Variants in GRIK4 observed in about 807,000 individuals in gnomAD.
The protein encoded by GRIK4 is glutamate receptor ionotropic, kainate 4.
A neutral mutation model predicts 104.9 loss-of-function variants in GRIK4; 40 were observed. That is an observed-to-expected ratio of 0.38 (90% CI 0.30 to 0.50). The LOEUF (loss-of-function observed/expected upper bound fraction) is 0.50, where lower values mean the gene tolerates loss of function less well. Ranked by LOEUF, GRIK4 falls within the 20% of genes least tolerant of loss-of-function variation. The pLI, the probability that GRIK4 is intolerant of heterozygous loss-of-function variation, is 0.93. For synonymous variants in GRIK4, 485 were observed against 524.9 expected (o/e 0.92, Z 1.04); for missense variants, 1,047 against 1,308.1 (o/e 0.80, Z 3.08).
rs758796201 is a variant in GRIK4, at chr11:120,986,289, C to CGGGCGGGGCGGGAGGGGAG, written c.*42_*60dup. Reference sequence around the variant, plus strand: ...CGGAGGCCACAGGACGCGCAGAGGCCGGGCGGGGCGGGAGGGGAGGGGCGG... The same window carrying CGGGCGGGGCGGGAGGGGAG: ...CGGAGGCCACAGGACGCGCAGAGGCCGGGCGGGGCGGGAGGGGAGGGGCGGGGCGGGAGGGGAGGGGCGG... On this transcript the variant is annotated 3_prime_UTR_variant, in exon 21 of 21. Transcript: ENST00000527524. The CGGGCGGGGCGGGAGGGGAG allele has an allele frequency of 1.2e-4, 87 of 749,446 alleles. No individual in the cohort carries two copies. The South Asian group carries it at 1.3e-3, about 11-fold the overall frequency. The allele number at this position is 749,446 out of a possible 1,614,324, so 46.4% of individuals were successfully genotyped here.
chr11:120,775,858 C>T (rs778701233), intron 3 of GRIK4, among the ~76,000 whole-genome samples: 9 of 152,254 alleles, frequency 5.9e-5, no homozygotes, highest in South Asian at 2.1e-4. Context: ...CCTTACCACA[C>T]GGTGCTACCT....
At chr11:120,827,116 C>A (rs1433912527) in intron 6 of GRIK4, among the ~76,000 whole-genome samples, 6 of 152,160 alleles carry the variant, frequency 3.9e-5, no homozygotes, top group African/African-American at 1.2e-4. Context: ...ACTACTCCAG[C>A]CAGTAAAGAG....
chr11:120,600,624 C>A (rs928191462), intron 1 of GRIK4, among the ~76,000 whole-genome samples: 1 of 152,192 alleles, frequency 6.6e-6, no homozygotes, highest in African/African-American at 2.4e-5. Context: ...GGACCCTCTC[C>A]CCACCAGGAA....
intron 13 of GRIK4, among the ~76,000 whole-genome samples, chr11:120,938,427 C>T (rs184493125): frequency 1.3e-5 from 2 of 152,320 alleles, no homozygotes; most frequent in Admixed American, 6.5e-5. Flanking sequence ...ATGACCTCAC[C>T]ATATAAGGCT....
chr11:120,809,860 G>T (rs1952792766), intron 4 of GRIK4, among the ~76,000 whole-genome samples: 1 of 152,172 alleles, frequency 6.6e-6, no homozygotes, highest in South Asian at 2.1e-4. Context: ...GACGCCAAGA[G>T]TTCAAGACCA....
At chr11:120,805,251 G>A (rs879284330) in intron 4 of GRIK4, among the ~76,000 whole-genome samples, 1 of 152,142 alleles carries the variant, frequency 6.6e-6, no homozygotes, top group South Asian at 2.1e-4. Flanking sequence ...TCAGACAAGG[G>A]TCCAGATTTC....
Position 120,660,277 on chromosome 11 carries a change from C to T in GRIK4, c.-42C>T, listed in dbSNP as rs745543714. On this transcript the variant is annotated 5_prime_UTR_variant, in exon 3 of 21. Coordinates refer to ENST00000527524, the MANE Select transcript of GRIK4 (RefSeq NM_014619.5). ...AACCCCCTCTCTCGCAGAGTTATGTCATGCCCAGGCCAGCAGGGGGCTCCA... is the reference window on the plus strand; with the variant it reads ...AACCCCCTCTCTCGCAGAGTTATGTTATGCCCAGGCCAGCAGGGGGCTCCA... The T allele has an allele frequency of 6.9e-7, 1 of 1,453,514 alleles. No individual in the cohort carries two copies. The allele number at this position is 1,453,514 out of a possible 1,614,324, so 90.0% of individuals were successfully genotyped here. A position where few individuals can be genotyped will look rare whatever the true frequency, so the allele number is the denominator to read the frequency against.
intron 3 of GRIK4, among the ~76,000 whole-genome samples, chr11:120,716,634 C>T (rs1449938552): frequency 1.3e-5 from 2 of 152,192 alleles, no homozygotes; most frequent in Non-Finnish European, 2.9e-5. Context: ...TCTCTGCCTT[C>T]TAAGTGTTGG....
chr11:120,806,741 G>A (rs899766901), intron 4 of GRIK4, among the ~76,000 whole-genome samples: 5 of 152,320 alleles, frequency 3.3e-5, no homozygotes, highest in Admixed American at 1.3e-4. Flanking sequence ...TCAGTTGAGG[G>A]AAGCAATGGT....
chr11:120,661,405 A>G lies in GRIK4; in HGVS notation c.82+1005A>G, dbSNP rs769988575. On this transcript the variant is annotated intron_variant, in intron 3 of 20. Coordinates refer to ENST00000527524, the MANE Select transcript of GRIK4 (RefSeq NM_014619.5). ...CTCAAATACCAGGCAGGTTACCCCA[A>G]CGGATAACCACATGAGGCCCCTCTT... Among the ~76,000 whole-genome samples the G allele has an allele frequency of 6.0e-5, 9 of 150,320 alleles. No homozygotes were observed. The East Asian group carries it at 1.4e-3, about 24-fold the overall frequency.
intron 3 of GRIK4, among the ~76,000 whole-genome samples, chr11:120,746,620 G>A (rs756138444): frequency 1.3e-5 from 2 of 152,114 alleles, no homozygotes; most frequent in African/African-American, 4.8e-5. Flanking sequence ...AAGCGGGGAG[G>A]AGCTTCTGCT....
chr11:120,918,902 C>A (rs909217294), intron 13 of GRIK4, among the ~76,000 whole-genome samples: 1 of 152,178 alleles, frequency 6.6e-6, no homozygotes, highest in African/African-American at 2.4e-5. Flanking sequence ...TATCATGCAT[C>A]ATTTCCTCTC....
chr11:120,825,053 T>C (rs1451292498), intron 6 of GRIK4, among the ~76,000 whole-genome samples: 3 of 151,652 alleles, frequency 2.0e-5, no homozygotes, highest in African/African-American at 4.8e-5. Context: ...CCCTCCCGAG[T>C]AGCTGGGATT....
intron 9 of GRIK4, among the ~76,000 whole-genome samples, chr11:120,863,271 A>G (rs890267892): frequency 6.6e-6 from 1 of 152,184 alleles, no homozygotes; most frequent in Admixed American, 6.5e-5. Context: ...ATGTTTGGGT[A>G]TGTTTAGATA....
chr11:120,965,873 G>A (rs904802675), intron 18 of GRIK4, among the ~76,000 whole-genome samples: 1 of 152,194 alleles, frequency 6.6e-6, no homozygotes, highest in Non-Finnish European at 1.5e-5. Context: ...TCATCTGTTT[G>A]TTCCAAGCTT....
At chr11:120,938,977 A>G (rs1328782643) in intron 13 of GRIK4, among the ~76,000 whole-genome samples, 1 of 152,144 alleles carries the variant, frequency 6.6e-6, no homozygotes, top group African/African-American at 2.4e-5. Flanking sequence ...GCATTTTGAG[A>G]ACCACCATAG....
chr11:120,663,453 G>A (rs1949853695), intron 3 of GRIK4, among the ~76,000 whole-genome samples: 1 of 152,176 alleles, frequency 6.6e-6, no homozygotes, highest in African/African-American at 2.4e-5. Context: ...TCCCTTAGCT[G>A]CTGAGAAGCA....
At chr11:120,816,530 T>G (rs1033721055) in intron 5 of GRIK4, among the ~76,000 whole-genome samples, 12 of 151,994 alleles carry the variant, frequency 7.9e-5, no homozygotes, top group African/African-American at 2.7e-4. Context: ...GAGGAACACT[T>G]GCTGCAGGAG....
chr11:120,810,091 G>A (rs768595100), intron 4 of GRIK4, among the ~76,000 whole-genome samples: 8 of 152,072 alleles, frequency 5.3e-5, no homozygotes, highest in Admixed American at 1.3e-4. Context: ...CAAAAGAACG[G>A]TTGTGTGGTG....
Sources: gnomAD v4.1 joint callset for allele counts (sites outside exome capture counted in the v4.1 genomes callset) on GRCh38, gnomAD v4.1.1 for gene constraint, MANE v1.5 for transcripts, NCBI Gene and HGNC (gene_info 2026-07-23, HGNC 2026-07-21) for gene names.